The following ATP10A variants were observed in gnomAD, a reference collection of about 807,000 sequenced individuals.
ATP10A encodes the protein phospholipid-transporting ATPase VA.
A neutral mutation model predicts 147.8 loss-of-function variants in ATP10A; 111 were observed. The observed-to-expected ratio is 0.75, with a 90% confidence interval of 0.64 to 0.88. ATP10A has a LOEUF of 0.88. Ranked by LOEUF, ATP10A falls within the 40% of genes least tolerant of loss-of-function variation. The pLI, the probability that ATP10A is intolerant of heterozygous loss-of-function variation, is 0.00. For missense variants in ATP10A, 1,927 were observed against 1,959.0 expected (o/e 0.98, Z 0.31); for synonymous variants, 875 against 841.6 (o/e 1.04, Z -0.69).
chr15:25,736,062 C>G lies in ATP10A; in HGVS notation c.734G>C (p.Gly245Ala). Residue 245 changes from glycine (G) to alanine (A), a missense_variant, in exon 3 of 21, where the codon GGC becomes GCC. Gly to Ala is a moderately conservative substitution (Grantham distance 60). Coordinates refer to ENST00000555815, the MANE Select transcript of ATP10A (RefSeq NM_024490.4). ...GCAGACACACGATACTCACATGCAG[C>G]CGCGAAACCTACTCAGGTCGTTGTT... ...KPNNDLSRFR[G>A]CIIHDNGKKA... 1 of 1,613,442 alleles carries G rather than the reference C, an allele frequency of 6.2e-7. No individual in the cohort carries two copies. Among genetic ancestry groups the G allele is most frequent in the Non-Finnish European group, 8.5e-7 (1 of 1,179,576 alleles).
At chr15:25,675,192 C>A (rs1273268460), downstream of ATP10A, among the ~76,000 whole-genome samples, 2 of 152,122 alleles carry the variant, frequency 1.3e-5, no homozygotes, top group Admixed American at 1.3e-4. Context: ...TTTGTGCCAT[C>A]CCAAGTCTGA....
At chr15:25,811,762 C>A (rs1183181947) in intron 1 of ATP10A, among the ~76,000 whole-genome samples, 1 of 152,176 alleles carries the variant, frequency 6.6e-6, no homozygotes, top group African/African-American at 2.4e-5. Context: ...GGCAAGGAGA[C>A]CAAGGTTTGA....
chr15:25,745,980 A>T (rs981247430), intron 2 of ATP10A, among the ~76,000 whole-genome samples: 1 of 152,206 alleles, frequency 6.6e-6, no homozygotes. Context: ...ATCAGGCAGG[A>T]CAAATAAAAA....
At chr15:25,740,273 A>G (rs1025889966) in intron 2 of ATP10A, among the ~76,000 whole-genome samples, 2 of 152,240 alleles carry the variant, frequency 1.3e-5, no homozygotes, top group Admixed American at 6.5e-5. Context: ...TAAAAAAACT[A>G]AAGTAAAGAG....
chr15:25,704,313 G>C (rs1399606913), intron 12 of ATP10A, among the ~76,000 whole-genome samples: 1 of 152,186 alleles, frequency 6.6e-6, no homozygotes, highest in East Asian at 1.9e-4. Context: ...CAATTTGCCA[G>C]GATAACGCTT....
intron 3 of ATP10A, among the ~76,000 whole-genome samples, chr15:25,732,558 C>CTTTTTTTTT (rs36120691): frequency 0.73 from 61,185 of 84,116 alleles, 24,445 homozygotes; most frequent in South Asian, 0.9. Flanking sequence ...GCGACACCTT[C>CTTTTTTTTT]TTTTTTTTTT....
intron 2 of ATP10A, among the ~76,000 whole-genome samples, chr15:25,742,814 G>A (rs902376824): frequency 2.0e-5 from 3 of 152,176 alleles, no homozygotes; most frequent in East Asian, 1.9e-4. Context: ...CCTCTTGAAC[G>A]TATTTGTACT....
chr15:25,780,222 T>C (rs948171944), intron 2 of ATP10A, among the ~76,000 whole-genome samples: 3 of 152,234 alleles, frequency 2.0e-5, no homozygotes, highest in East Asian at 3.9e-4. Flanking sequence ...AAAAGCCCAG[T>C]GGCATCCTCC....
At chr15:25,792,581 C>T (rs1763038875) in intron 1 of ATP10A, among the ~76,000 whole-genome samples, 2 of 152,316 alleles carry the variant, frequency 1.3e-5, no homozygotes, top group South Asian at 4.1e-4. Flanking sequence ...GTTAGATGGC[C>T]TACTGCAGCC....
chr15:25,712,176 G>T (rs558222599), intron 10 of ATP10A, among the ~76,000 whole-genome samples: 1 of 152,182 alleles, frequency 6.6e-6, no homozygotes, highest in Admixed American at 6.5e-5. Context: ...GTAATTTTTT[G>T]GGGGGGACGG....
Position 25,724,000 on chromosome 15 carries a change from C to T in ATP10A, c.1001G>A (p.Arg334Gln), listed in dbSNP as rs144743073. ...SAVGHGLWIW[R>Q]YQEKKSLFYV... is the part of the protein sequence containing the mutation. ...AAATAATGACTTCTTCTCTTGATAC[C>T]GCCATATCCACAGTCCATGTCCTGT... Residue 334 changes from arginine (R) to glutamine (Q), a missense_variant, in exon 6 of 21, where the codon CGG becomes CAG. Transcript: ENST00000555815. 3.1e-5 allele frequency: 50 copies of T among 1,603,516 alleles called. No homozygotes were observed. The highest frequency in any genetic ancestry group is 2.3e-4 in the South Asian group (20 of 88,628).
intron 2 of ATP10A, among the ~76,000 whole-genome samples, chr15:25,741,803 C>T (rs938139485): frequency 5.9e-5 from 9 of 152,084 alleles, no homozygotes; most frequent in Non-Finnish European, 1.3e-4. Flanking sequence ...TTTTGTCCAC[C>T]ACGTGTCTCC....
chr15:25,771,794 G>T (rs964047847), intron 2 of ATP10A, among the ~76,000 whole-genome samples: 18 of 151,156 alleles, frequency 1.2e-4, no homozygotes, highest in African/African-American at 4.4e-4. Flanking sequence ...CTGTTACCCA[G>T]GCTGGAGTGC....
chr15:25,725,825 G>T, intron 5 of ATP10A, 126 bp downstream of exon 5: 2 of 1,174,434 alleles, frequency 1.7e-6, no homozygotes, highest in Non-Finnish European at 2.3e-6. Flanking sequence ...CACCATGTTG[G>T]CCAGCTGGTC....
intron 2 of ATP10A, among the ~76,000 whole-genome samples, chr15:25,776,857 A>G (rs1163348004): frequency 6.6e-6 from 1 of 152,082 alleles, no homozygotes; most frequent in Non-Finnish European, 1.5e-5. Flanking sequence ...CATTCCCTGT[A>G]GTGCCTGGCA....
At chr15:25,735,143 C>T (rs919873023) in intron 3 of ATP10A, among the ~76,000 whole-genome samples, 2 of 152,174 alleles carry the variant, frequency 1.3e-5, no homozygotes, top group African/African-American at 2.4e-5. Context: ...GTGCTGCAGG[C>T]GAGAGGGCTG....
At chr15:25,721,509 T>C in intron 7 of ATP10A, 148 bp downstream of exon 7, 1 of 1,217,704 alleles carries the variant, frequency 8.2e-7, no homozygotes, top group Admixed American at 2.4e-5. Flanking sequence ...CAGCCACGTC[T>C]TTATACTCCC....
intron 10 of ATP10A, chr15:25,710,250 C>T (rs1278913852): frequency 1.3e-5 from 2 of 152,272 alleles, no homozygotes; most frequent in Non-Finnish European, 2.9e-5. Context: ...TGAGGAGTGA[C>T]ACCACCTGAG....
intron 2 of ATP10A, among the ~76,000 whole-genome samples, chr15:25,757,001 C>T (rs746596610): frequency 7.9e-5 from 12 of 152,192 alleles, no homozygotes; most frequent in South Asian, 2.1e-4. Context: ...TACATTCAAA[C>T]GGCCATAAAC....
Sources: gnomAD v4.1 joint callset for allele counts (sites outside exome capture counted in the v4.1 genomes callset) on GRCh38, gnomAD v4.1.1 for gene constraint, MANE v1.5 for transcripts, NCBI Gene and HGNC (gene_info 2026-07-23, HGNC 2026-07-21) for gene names.